PKHD1: variants seen among roughly 807,000 people sequenced by gnomAD.
PKHD1 encodes the protein fibrocystin.
Under a neutral mutation model 412.0 loss-of-function variants are expected in PKHD1, and 291 were observed. That is an observed-to-expected ratio of 0.71 (90% CI 0.64 to 0.78). The LOEUF is 0.78. PKHD1 is among the 30% of genes least tolerant of loss of function. The pLI is 0.00. For synonymous variants in PKHD1, 1,777 were observed against 1,821.5 expected (o/e 0.98, Z 0.62); for missense variants, 4,825 against 4,950.7 (o/e 0.97, Z 0.76).
intron 51 of PKHD1, among the ~76,000 whole-genome samples, chr6:51,834,737 G>A (rs929323299): frequency 6.6e-6 from 1 of 152,128 alleles, no homozygotes; most frequent in Non-Finnish European, 1.5e-5. Context: ...GAAGGATATT[G>A]TACTAAATCT....
chr6:51,831,096 C>T, intron 51 of PKHD1, 107 bp from the exon 52 acceptor site: 1 of 779,852 alleles, frequency 1.3e-6, no homozygotes, highest in Non-Finnish European at 2.2e-6. Context: ...AAGAAGCTGC[C>T]TATCAATATT....
intron 14 of PKHD1, 28 bp downstream of exon 14, chr6:52,062,491 G>A (rs1319524899): frequency 1.2e-6 from 2 of 1,613,300 alleles, no homozygotes; most frequent in Admixed American, 1.7e-5. Context: ...TGCTTTTGAT[G>A]TGGGCTCCCA....
At chr6:51,948,670 G>A (rs1400602286) in intron 36 of PKHD1, among the ~76,000 whole-genome samples, 1 of 152,196 alleles carries the variant, frequency 6.6e-6, no homozygotes, top group African/African-American at 2.4e-5. Flanking sequence ...GAATAACGAG[G>A]AGTTGAAATT....
At chr6:51,721,852 T>C in intron 60 of PKHD1, 3 of 1,540,010 alleles carry the variant, frequency 1.9e-6, no homozygotes, top group Non-Finnish European at 2.6e-6. Flanking sequence ...CTCAATCAAT[T>C]TCTTCTCAAT....
intron 60 of PKHD1, among the ~76,000 whole-genome samples, chr6:51,673,550 G>A (rs1045908127): frequency 1.2e-4 from 18 of 152,180 alleles, no homozygotes; most frequent in African/African-American, 4.3e-4. Flanking sequence ...TCAAGGTTTT[G>A]AATGAGTTAG....
intron 52 of PKHD1, among the ~76,000 whole-genome samples, chr6:51,805,149 T>C (rs181523534): frequency 2.6e-5 from 4 of 152,200 alleles, no homozygotes; most frequent in East Asian, 1.9e-4. Flanking sequence ...CAATGGTGGA[T>C]TGGATAAAGA....
At position 51,864,430 on chromosome 6, in the gene PKHD1, A is replaced by G. The variant is rs556375651; in HGVS notation, c.7733+3433T>C. ...CAGGTGAAAAGTAATGGTAGCCCAG[A>G]CTGGAGAAGGATTTGGGGAAGGAGA... On this transcript the variant is annotated intron_variant, in intron 48 of 66. Transcript: ENST00000371117. 3.7e-4 allele frequency among the ~76,000 whole-genome samples: 56 copies of G among 152,284 alleles called. 1 individual carries two copies. The highest frequency in any genetic ancestry group is 1.3e-3 in the African/African-American group (52 of 41,572).
intron 1 of PKHD1, among the ~76,000 whole-genome samples, chr6:52,086,770 T>A (rs1053835277): frequency 2.0e-5 from 3 of 152,256 alleles, no homozygotes; most frequent in Non-Finnish European, 4.4e-5. Flanking sequence ...CAGCAAGTGT[T>A]CCTTTTCGTT....
chr6:51,727,126 C>T (rs1322006321), intron 60 of PKHD1, among the ~76,000 whole-genome samples: 2 of 152,196 alleles, frequency 1.3e-5, no homozygotes, highest in African/African-American at 4.8e-5. Flanking sequence ...CTACAGTGAA[C>T]AAGGACACAG....
intron 33 of PKHD1, among the ~76,000 whole-genome samples, chr6:52,019,727 A>G (rs1337667620): frequency 6.6e-6 from 1 of 152,234 alleles, no homozygotes; most frequent in Non-Finnish European, 1.5e-5. Context: ...ATGTGGTATA[A>G]TTCAAGGTAT....
intron 60 of PKHD1, among the ~76,000 whole-genome samples, chr6:51,661,021 TGAGGCATTAGCTCATTAGAAAAAAAA>T (rs1379086423): frequency 6.6e-6 from 1 of 152,060 alleles, no homozygotes; most frequent in Admixed American, 6.6e-5. Flanking sequence ...ATCCAGTAGT[TGAGGCATTAGCTCATTAGAAAAAAAA>T]GATATTCCTA....
In PKHD1 at chr6:52,080,018, G is replaced by A. The variant is rs756943999; in HGVS notation, c.282-10C>T. The stretch of plus-strand genomic sequence containing the variant: ...TTCAGACAGCACAGATCTGAGGACA[G>A]AAAGTGGAAATCCTTATGAATCAAA... On this transcript the variant is annotated splice_polypyrimidine_tract_variant and intron_variant, in intron 4 of 66. Transcript: ENST00000371117. 4 of 1,499,888 alleles carry A rather than the reference G, an allele frequency of 2.7e-6. No homozygotes were observed. In the East Asian group the frequency reaches 6.8e-5, roughly 25 times the overall value. 92.9% of individuals were successfully genotyped at this position (1,499,888 alleles called of 1,614,324 possible).
intron 52 of PKHD1, among the ~76,000 whole-genome samples, chr6:51,806,613 T>C (rs966902936): frequency 6.6e-6 from 1 of 152,194 alleles, no homozygotes; most frequent in Non-Finnish European, 1.5e-5. Flanking sequence ...GAACCATCAA[T>C]AGCTTCACAA....
chr6:51,840,448 T>A (rs1769979759), intron 50 of PKHD1, among the ~76,000 whole-genome samples: 1 of 152,166 alleles, frequency 6.6e-6, no homozygotes. Context: ...CCAACACATA[T>A]ATCTGCATTA....
At chr6:51,921,566 A>G (rs1408186293) in intron 37 of PKHD1, among the ~76,000 whole-genome samples, 13 of 152,214 alleles carry the variant, frequency 8.5e-5, no homozygotes, top group Admixed American at 8.5e-4. Context: ...AGGTACACCA[A>G]TCAGACGTAG....
chr6:51,652,271 C>G (rs1771100302), intron 61 of PKHD1, among the ~76,000 whole-genome samples: 1 of 151,972 alleles, frequency 6.6e-6, no homozygotes, highest in Non-Finnish European at 1.5e-5. Flanking sequence ...GAGATCACTC[C>G]TATTCATGTC....
At position 51,960,001 on chromosome 6, in the gene PKHD1, C is replaced by G. The variant is rs199598712; in HGVS notation, c.5777G>C (p.Arg1926Pro). The change falls in exon 36 of 67, where the codon CGG becomes CCG. Residue 1926 changes from arginine to proline, a missense_variant. Physicochemically the swap from Arg to Pro is moderately radical, Grantham distance 103. Transcript: ENST00000371117. Reference protein sequence around the residue: ...TQGNFSLQFCRRWSRTHSWFP... With the variant: ...TQGNFSLQFCPRWSRTHSWFP... ...CCAGCTGTGAGTCCTGGACCATCTCCGGCAGAACTGTAAAGAAAAGTTGCC... is the reference window on the plus strand; with the variant it reads ...CCAGCTGTGAGTCCTGGACCATCTCGGGCAGAACTGTAAAGAAAAGTTGCC... 6.2e-7 allele frequency: 1 copy of G among 1,613,404 alleles called. No homozygotes were observed. Among genetic ancestry groups the G allele is most frequent in the Middle Eastern group, 1.7e-4 (1 of 6,054 alleles).
At chr6:52,033,226 G>A (rs1803347974) in intron 28 of PKHD1, 61 bp from the exon 29 acceptor site, 1 of 1,271,798 alleles carries the variant, frequency 7.9e-7, no homozygotes, top group African/African-American at 1.5e-5. Context: ...CTGACTTAAG[G>A]GAAGAGAACT....
intron 35 of PKHD1, among the ~76,000 whole-genome samples, chr6:51,989,891 AG>A: frequency 2.9e-5 from 1 of 34,536 alleles, no homozygotes; most frequent in African/African-American, 8.5e-5. Context: ...AAAGGAAGGA[AG>A]GAAGGAGGGA....
Sources: gnomAD v4.1 joint callset for allele counts (sites outside exome capture counted in the v4.1 genomes callset) on GRCh38, gnomAD v4.1.1 for gene constraint, MANE v1.5 for transcripts, NCBI Gene and HGNC (gene_info 2026-07-23, HGNC 2026-07-21) for gene names.